CDIN1: variants seen among roughly 807,000 people sequenced by gnomAD.
CDIN1 encodes CDAN1-interacting nuclease 1.
Under a neutral mutation model 45.3 loss-of-function variants are expected in CDIN1, and 33 were observed. The ratio of observed to expected loss-of-function variants is 0.73; its 90% CI spans 0.55 to 0.97. The LOEUF (loss-of-function observed/expected upper bound fraction) is 0.97. Ranked by LOEUF, CDIN1 falls within the 50% of genes least tolerant of loss-of-function variation. The pLI, the probability that CDIN1 is intolerant of heterozygous loss-of-function variation, is 0.00. For missense variants in CDIN1, 303 were observed against 339.4 expected (o/e 0.89, Z 0.84); for synonymous variants, 118 against 124.4 (o/e 0.95, Z 0.34).
chr15:36,586,817 T>G (rs111697227), intron 1 of CDIN1, among the ~76,000 whole-genome samples: 3,590 of 152,340 alleles, frequency 0.024, 69 homozygotes, highest in Non-Finnish European at 0.036. Flanking sequence ...TAACTAATTT[T>G]GGATAGCTTG....
intron 5 of CDIN1, among the ~76,000 whole-genome samples, chr15:36,668,595 T>C (rs2041335094): frequency 6.6e-6 from 1 of 152,160 alleles, no homozygotes; most frequent in South Asian, 2.1e-4. Flanking sequence ...TCTTCTGATT[T>C]CAGATTCATC....
intron 1 of CDIN1, among the ~76,000 whole-genome samples, chr15:36,598,180 C>T (rs528793105): frequency 2.0e-5 from 3 of 152,066 alleles, no homozygotes; most frequent in South Asian, 2.1e-4. Context: ...TTAGTAGAGA[C>T]GGGGTTTTGC....
At chr15:36,777,244 G>T (rs1417548915) in intron 10 of CDIN1, among the ~76,000 whole-genome samples, 1 of 151,808 alleles carries the variant, frequency 6.6e-6, no homozygotes, top group Non-Finnish European at 1.5e-5. Context: ...ATTAGTGACG[G>T]GAGAAAAAAA....
At chr15:36,628,726 G>C (rs2039556239) in intron 1 of CDIN1, among the ~76,000 whole-genome samples, 1 of 152,160 alleles carries the variant, frequency 6.6e-6, no homozygotes, top group African/African-American at 2.4e-5. Context: ...AGGGTGGATG[G>C]TGGTGGCCGA....
intron 10 of CDIN1, among the ~76,000 whole-genome samples, chr15:36,736,873 A>G (rs2044041375): frequency 6.6e-6 from 1 of 152,132 alleles, no homozygotes; most frequent in African/African-American, 2.4e-5. Context: ...TCATTTAAAA[A>G]TGCTTCACAC....
intron 3 of CDIN1, among the ~76,000 whole-genome samples, chr15:36,653,456 T>TA (rs10634949): frequency 0.72 from 105,326 of 147,260 alleles, 37,521 homozygotes; most frequent in East Asian, 0.93. Context: ...CAAATTTTTG[T>TA]AAAAAAAAAA....
intron 1 of CDIN1, among the ~76,000 whole-genome samples, chr15:36,607,356 C>T (rs1049366426): frequency 2.0e-5 from 3 of 152,082 alleles, no homozygotes; most frequent in Admixed American, 2.0e-4. Flanking sequence ...TGATATAGTT[C>T]ACAGGAGAAT....
intron 7 of CDIN1, 69 bp downstream of exon 7, chr15:36,692,244 T>G: frequency 7.0e-7 from 1 of 1,425,578 alleles, no homozygotes; most frequent in Admixed American, 2.0e-5. Flanking sequence ...GTGTCTAGCT[T>G]TAACCTGACA....
At chr15:36,699,894 C>T (rs992724658) in intron 8 of CDIN1, among the ~76,000 whole-genome samples, 1 of 152,118 alleles carries the variant, frequency 6.6e-6, no homozygotes, top group Non-Finnish European at 1.5e-5. Context: ...TTAAACTTAT[C>T]CAATTTGTAC....
chr15:36,634,705 C>A (rs1250630559), intron 1 of CDIN1, among the ~76,000 whole-genome samples: 1 of 152,072 alleles, frequency 6.6e-6, no homozygotes, highest in South Asian at 2.1e-4. Context: ...GCTCTTATTT[C>A]GTTTCCTATT....
At chr15:36,800,909 G>GTATGTATATATATATATA (rs1555410946) in intron 10 of CDIN1, among the ~76,000 whole-genome samples, 11 of 22,386 alleles carry the variant, frequency 4.9e-4, no homozygotes, top group Admixed American at 1.9e-3. Flanking sequence ...GTGTGTGTGT[G>GTATGTATATATATATATA]TATATATATA....
chr15:36,774,303 A>G (rs939625039), intron 10 of CDIN1, among the ~76,000 whole-genome samples: 2 of 152,134 alleles, frequency 1.3e-5, no homozygotes, highest in Non-Finnish European at 2.9e-5. Flanking sequence ...CATCTAAACA[A>G]AATAAGCACG....
chr15:36,701,519 C>T (rs928888075), intron 8 of CDIN1, among the ~76,000 whole-genome samples: 16 of 152,000 alleles, frequency 1.1e-4, no homozygotes, highest in Non-Finnish European at 1.6e-4. Flanking sequence ...TATGAAAGAG[C>T]GCATACAAAA....
At chr15:36,719,863 G>T (rs528021174) in intron 10 of CDIN1, among the ~76,000 whole-genome samples, 87 of 152,044 alleles carry the variant, frequency 5.7e-4, no homozygotes, top group African/African-American at 1.9e-3. Flanking sequence ...CTTTGAGTCT[G>T]TCAAAGTGTT....
chr15:36,653,217 CACTTA>C (rs2040641736), intron 3 of CDIN1, among the ~76,000 whole-genome samples: 2 of 151,974 alleles, frequency 1.3e-5, no homozygotes, highest in Non-Finnish European at 2.9e-5. Context: ...ATATGAGGAG[CACTTA>C]ACTTATATGG....
At chr15:36,745,731 C>T (rs964267811) in intron 10 of CDIN1, among the ~76,000 whole-genome samples, 7 of 152,036 alleles carry the variant, frequency 4.6e-5, no homozygotes, top group African/African-American at 1.2e-4. Context: ...TTTGGGAGGC[C>T]GAGGCGAGTG....
intron 5 of CDIN1, among the ~76,000 whole-genome samples, chr15:36,687,757 T>G (rs1001291658): frequency 3.3e-5 from 5 of 152,170 alleles, no homozygotes; most frequent in African/African-American, 1.2e-4. Context: ...CATTAAAATC[T>G]TAACCTACTA....
At chr15:36,780,296 G>T (rs549201236) in intron 10 of CDIN1, among the ~76,000 whole-genome samples, 1 of 152,256 alleles carries the variant, frequency 6.6e-6, no homozygotes, top group East Asian at 1.9e-4. Context: ...TAAATGCTTG[G>T]ATCAGAAAAT....
chr15:36,700,379 A>T (rs988414207), intron 8 of CDIN1, among the ~76,000 whole-genome samples: 2 of 152,176 alleles, frequency 1.3e-5, no homozygotes, highest in Admixed American at 1.3e-4. Context: ...AGGTGCTCAC[A>T]TGATTGTCTC....
Sources: allele counts gnomAD v4.1 joint callset (sites outside exome capture counted in the v4.1 genomes callset), GRCh38; gene constraint gnomAD v4.1.1; transcripts MANE v1.5; gene names NCBI Gene and HGNC (gene_info 2026-07-23, HGNC 2026-07-21).